The following UACA variants were observed in gnomAD, a reference collection of about 807,000 sequenced individuals.
UACA encodes the protein uveal autoantigen with coiled-coil domains and ankyrin repeats.
UACA carries 112 observed loss-of-function variants against 160.5 expected under a neutral mutation model. The observed-to-expected ratio is 0.70, with a 90% CI of 0.60 to 0.82. The LOEUF (loss-of-function observed/expected upper bound fraction) is 0.82. Ranked by LOEUF, UACA falls within the 40% of genes least tolerant of loss-of-function variation. UACA has a pLI of 0.00. For missense variants in UACA, 1,574 were observed against 1,614.6 expected (o/e 0.97, Z 0.43); for synonymous variants, 557 against 568.4 (o/e 0.98, Z 0.29).
At chr15:70,674,405 A>C (rs1451641707) in intron 13 of UACA, among the ~76,000 whole-genome samples, 1 of 152,120 alleles carries the variant, frequency 6.6e-6, no homozygotes, top group Non-Finnish European at 1.5e-5. Context: ...AAATGTCTGA[A>C]AGGATTTCAG....
chr15:70,665,940 G>A (rs1401110259), intron 16 of UACA, among the ~76,000 whole-genome samples: 1 of 152,166 alleles, frequency 6.6e-6, no homozygotes. Context: ...AAAACTTTAT[G>A]CAACATCAGT....
chr15:70,775,914 C>T, the UACA span, among the ~76,000 whole-genome samples: 2 of 152,134 alleles, frequency 1.3e-5, no homozygotes, highest in East Asian at 3.9e-4. Context: ...GATTCATTGA[C>T]CTAATTTCAA....
At chr15:70,739,055 G>C (rs1369585269) in intron 1 of UACA, among the ~76,000 whole-genome samples, 1 of 152,208 alleles carries the variant, frequency 6.6e-6, no homozygotes, top group African/African-American at 2.4e-5. Context: ...CCATATTCAA[G>C]AGGTAGGGAA....
chr15:70,671,975 A>G lies in UACA; in HGVS notation c.1158T>C (p.His386=). The change falls in exon 14 of 19, where the codon CAT becomes CAC. Residue 386 remains histidine, a synonymous_variant. Transcript: ENST00000322954. ...TACTTTTATACTTACGGTTACTGAA[A>G]TGACTTCCTGATCCTAAATGATCAC... The part of the protein sequence containing the change: ...FESDHLGSGS[H]FSNRKEDMLL... 1.3e-6 allele frequency: 2 copies of G among 1,596,200 alleles called. No individual in the cohort carries two copies. Among genetic ancestry groups the G allele is most frequent in the Non-Finnish European group, 1.7e-6 (2 of 1,171,504 alleles).
At chr15:70,773,269 T>C in the UACA span, among the ~76,000 whole-genome samples, 3 of 152,258 alleles carry the variant, frequency 2.0e-5, no homozygotes, top group East Asian at 5.8e-4. Context: ...ACGGGTGTTA[T>C]TAATAGCTTT....
intron 18 of UACA, among the ~76,000 whole-genome samples, chr15:70,657,922 T>TAAA (rs67011580): frequency 2.2e-5 from 3 of 138,660 alleles, no homozygotes; most frequent in African/African-American, 8.1e-5. Flanking sequence ...CGCAAAAACT[T>TAAA]AAAAAAAAAA....
intron 1 of UACA, chr15:70,758,499 GAAT>G (rs2030559640): frequency 6.6e-6 from 1 of 152,156 alleles, no homozygotes; most frequent in Admixed American, 6.6e-5. Context: ...GCTGTTATGA[GAAT>G]AACATTAAGA....
intron 10 of UACA, 140 bp downstream of exon 10, chr15:70,679,468 T>C (rs1897412947): frequency 2.3e-6 from 1 of 427,320 alleles, no homozygotes; most frequent in East Asian, 4.1e-5. Context: ...AAAAAGAGAA[T>C]CACAAACAAT....
intron 1 of UACA, among the ~76,000 whole-genome samples, chr15:70,700,599 T>C (rs1898322441): frequency 6.6e-6 from 1 of 151,956 alleles, no homozygotes; most frequent in Non-Finnish European, 1.5e-5. Context: ...ATGTCTCATA[T>C]AACATACATT....
At chr15:70,672,045 AT>A (rs751312248) in intron 13 of UACA, 44 bp from the exon 14 acceptor site, 1 of 1,546,592 alleles carries the variant, frequency 6.5e-7, no homozygotes, top group South Asian at 1.2e-5. Context: ...ATGCTGCCTC[AT>A]TTTGTTAAAT....
At chr15:70,739,797 A>G (rs766930365) in intron 1 of UACA, among the ~76,000 whole-genome samples, 17 of 152,206 alleles carry the variant, frequency 1.1e-4, no homozygotes, top group Admixed American at 5.9e-4. Flanking sequence ...TATAAGCCCC[A>G]GATTGCAATA....
intron 1 of UACA, among the ~76,000 whole-genome samples, chr15:70,706,048 C>T (rs1164003934): frequency 9.2e-5 from 14 of 152,070 alleles, no homozygotes; most frequent in Non-Finnish European, 5.9e-5. Flanking sequence ...CAAACCTAAT[C>T]TAATAGCACA....
At chr15:70,769,409 G>T in the UACA span, among the ~76,000 whole-genome samples, 1 of 151,152 alleles carries the variant, frequency 6.6e-6, no homozygotes, top group Non-Finnish European at 1.5e-5. Context: ...GAGCTTTATG[G>T]TAGATGATGA....
At chr15:70,741,165 T>C (rs570984294) in intron 1 of UACA, among the ~76,000 whole-genome samples, 1 of 152,180 alleles carries the variant, frequency 6.6e-6, no homozygotes, top group Non-Finnish European at 1.5e-5. Context: ...AGCCAAAATG[T>C]GAGGCAAGAG....
intron 17 of UACA, among the ~76,000 whole-genome samples, chr15:70,664,022 AAAT>A (rs778783317): frequency 2.6e-5 from 4 of 152,126 alleles, no homozygotes; most frequent in Admixed American, 6.5e-5. Flanking sequence ...AGTATAATAA[AAAT>A]AATAATAAAT....
chr15:70,742,006 G>A (rs933243313), intron 1 of UACA, among the ~76,000 whole-genome samples: 1 of 152,086 alleles, frequency 6.6e-6, no homozygotes, highest in Admixed American at 6.6e-5. Context: ...TTCCTCTTTT[G>A]TGACTCACCC....
In UACA at chr15:70,669,361, A is replaced by C. The variant is rs1182860391; in HGVS notation, c.1323T>G (p.Ile441Met). The change falls in exon 16 of 19, where the codon ATT becomes ATG. Residue 441 changes from isoleucine (I) to methionine (M), a missense_variant. Transcript: ENST00000322954. ...PSQTSYSENEILKKELEAMRT... is the reference protein window; with the variant it reads ...PSQTSYSENEMLKKELEAMRT... ...GCATTGCTTCTAACTCTTTCTTTAA[A>C]ATTTCATTTTCAGAGTATGACGTTT... 1 of 1,614,006 alleles carries C rather than the reference A, an allele frequency of 6.2e-7. No homozygotes were observed.
chr15:70,738,677 A>G (rs1275432680), intron 1 of UACA, among the ~76,000 whole-genome samples: 1 of 152,194 alleles, frequency 6.6e-6, no homozygotes, highest in African/African-American at 2.4e-5. Flanking sequence ...TTAACATGCT[A>G]TTCCCTCTAT....
intron 1 of UACA, among the ~76,000 whole-genome samples, chr15:70,753,839 T>C (rs1029567849): frequency 1.3e-5 from 2 of 152,200 alleles, no homozygotes; most frequent in Admixed American, 1.3e-4. Flanking sequence ...AGAGCCTCGC[T>C]CCATCGCCCA....
Sources: allele counts gnomAD v4.1 joint callset (sites outside exome capture counted in the v4.1 genomes callset), GRCh38; gene constraint gnomAD v4.1.1; transcripts MANE v1.5; gene names NCBI Gene and HGNC (gene_info 2026-07-23, HGNC 2026-07-21).